Variants in PRKAR1B observed in about 807,000 individuals in gnomAD.
PRKAR1B encodes the protein protein kinase cAMP-dependent type I regulatory subunit beta.
Under a neutral mutation model 46.5 loss-of-function variants are expected in PRKAR1B, and 22 were observed. The ratio of observed to expected loss-of-function variants is 0.47; its 90% CI spans 0.34 to 0.68. The LOEUF (loss-of-function observed/expected upper bound fraction) is 0.68, where lower values mean the gene tolerates loss of function less well. Ranked by LOEUF, PRKAR1B falls within the 30% of genes least tolerant of loss-of-function variation. The pLI is 0.01. For missense variants in PRKAR1B, 445 were observed against 535.6 expected (o/e 0.83, Z 1.67); for synonymous variants, 259 against 217.7 (o/e 1.19, Z -1.67).
intron 4 of PRKAR1B, among the ~76,000 whole-genome samples, chr7:637,164 G>A (rs1417619726): frequency 6.6e-6 from 1 of 152,184 alleles, no homozygotes; most frequent in Non-Finnish European, 1.5e-5. Flanking sequence ...GTGCACACCT[G>A]TAGTCCCGGC....
At chr7:616,266 G>A (rs545045741) in intron 4 of PRKAR1B, among the ~76,000 whole-genome samples, 111 of 152,364 alleles carry the variant, frequency 7.3e-4, no homozygotes, top group Non-Finnish European at 1.3e-3. Context: ...ACTCCGGACA[G>A]ACTCGCAGGG....
At chr7:688,279 C>T (rs1779212060) in intron 2 of PRKAR1B, among the ~76,000 whole-genome samples, 1 of 151,692 alleles carries the variant, frequency 6.6e-6, no homozygotes, top group African/African-American at 2.4e-5. Flanking sequence ...GTGGCATGTG[C>T]CTGTAATCCC....
At chr7:689,814 G>A (rs887884379) in intron 2 of PRKAR1B, among the ~76,000 whole-genome samples, 2 of 151,898 alleles carry the variant, frequency 1.3e-5, no homozygotes, top group African/African-American at 4.8e-5. Flanking sequence ...CGAGTAGCTG[G>A]GACTACAGGC....
chr7:673,107 T>C (rs1397064723), intron 4 of PRKAR1B, among the ~76,000 whole-genome samples: 1 of 133,392 alleles, frequency 7.5e-6, no homozygotes, highest in Non-Finnish European at 1.5e-5. Context: ...ACAGCTGGTC[T>C]GTGTGGCCAG....
intron 9 of PRKAR1B, among the ~76,000 whole-genome samples, chr7:559,685 G>A (rs1018307892): frequency 6.6e-6 from 1 of 152,216 alleles, no homozygotes; most frequent in Non-Finnish European, 1.5e-5. Flanking sequence ...GGAGTCTCGA[G>A]GCTCGCTGTG....
chr7:677,163 C>A (rs1028527093), intron 4 of PRKAR1B, 66 bp downstream of exon 4: 26 of 1,494,748 alleles, frequency 1.7e-5, no homozygotes, highest in East Asian at 4.5e-5. Context: ...AGTGGCGGGA[C>A]CTGCCCACCT....
intron 2 of PRKAR1B, among the ~76,000 whole-genome samples, chr7:692,923 A>G (rs749305955): frequency 1.3e-4 from 20 of 151,366 alleles, no homozygotes; most frequent in Non-Finnish European, 2.7e-4. Flanking sequence ...AGTTTGTTTG[A>G]GCAGGTGAGT....
chr7:710,841 G>A (rs546586569), intron 2 of PRKAR1B, among the ~76,000 whole-genome samples: 11 of 151,906 alleles, frequency 7.2e-5, no homozygotes, highest in African/African-American at 2.4e-4. Context: ...AGGGGGTTTC[G>A]CCATGTTGGC....
chr7:592,952 C>T (rs1781067064), intron 7 of PRKAR1B, among the ~76,000 whole-genome samples: 1 of 152,156 alleles, frequency 6.6e-6, no homozygotes, highest in African/African-American at 2.4e-5. Flanking sequence ...GGGAGGATGG[C>T]TTGAGCCGGG....
intron 2 of PRKAR1B, among the ~76,000 whole-genome samples, chr7:685,327 C>CATATATATATACTATATATAT (rs1562615815): frequency 2.0e-5 from 1 of 50,814 alleles, no homozygotes; most frequent in Non-Finnish European, 3.6e-5. Context: ...CGTATATATA[C>CATATATATATACTATATATAT]GTATATATAC....
In PRKAR1B at chr7:666,385, C is replaced by A. The variant is rs1420735741; in HGVS notation, c.440+10844G>T. ...GGCTGCTTCCTGAGGCTGCTGAGGTCCCTGGCCGAGGCGTAACTGCCCCGG... is the reference window on the plus strand; with the variant it reads ...GGCTGCTTCCTGAGGCTGCTGAGGTACCTGGCCGAGGCGTAACTGCCCCGG... On this transcript the variant is annotated intron_variant, in intron 4 of 10. Transcript: ENST00000537384. The surrounding 1 kb of genome is among the most constrained non-coding windows in gnomAD (Gnocchi z 4.9). Among the ~76,000 whole-genome samples the A allele has an allele frequency of 6.6e-6, 1 of 152,166 alleles. No homozygotes were observed. The highest frequency in any genetic ancestry group is 1.5e-5 in the Non-Finnish European group (1 of 68,024).
At chr7:635,111 T>C (rs1356856415) in intron 4 of PRKAR1B, among the ~76,000 whole-genome samples, 1 of 152,236 alleles carries the variant, frequency 6.6e-6, no homozygotes, top group African/African-American at 2.4e-5. Context: ...CTGTGTGAAC[T>C]ATTTTCAAGG....
At chr7:577,034 G>GCGGCCTCATCCAACTCCATCAA (rs1779883872) in intron 9 of PRKAR1B, among the ~76,000 whole-genome samples, 1 of 138,416 alleles carries the variant, frequency 7.2e-6, no homozygotes, top group Non-Finnish European at 1.6e-5. Flanking sequence ...AACGCCATCA[G>GCGGCCTCATCCAACTCCATCAA]CGGCCCCGTC....
At chr7:582,621 G>C (rs755628059) in intron 8 of PRKAR1B, among the ~76,000 whole-genome samples, 1 of 152,246 alleles carries the variant, frequency 6.6e-6, no homozygotes, top group East Asian at 1.9e-4. Context: ...GACGCAGGAA[G>C]CAAGAAGCCA....
At chr7:652,022 C>T (rs1239560409) in intron 4 of PRKAR1B, among the ~76,000 whole-genome samples, 1 of 92,960 alleles carries the variant, frequency 1.1e-5, no homozygotes, top group East Asian at 3.6e-4. Context: ...AAACCCCTCT[C>T]GGAACACAGT....
At chr7:699,525 G>A (rs1282923490) in intron 2 of PRKAR1B, among the ~76,000 whole-genome samples, 1 of 152,138 alleles carries the variant, frequency 6.6e-6, no homozygotes, top group Admixed American at 6.5e-5. Context: ...AGGAGGGCCA[G>A]AGGACACTAA....
At chr7:592,823 A>C (rs1781059946) in intron 7 of PRKAR1B, among the ~76,000 whole-genome samples, 1 of 152,134 alleles carries the variant, frequency 6.6e-6, no homozygotes. Context: ...ACTTGAGCCC[A>C]GGAGTCCAAG....
In PRKAR1B at chr7:685,261, C is replaced by T. The variant is rs977836965; in HGVS notation, c.178-4535G>A. 9.8e-5 allele frequency among the ~76,000 whole-genome samples: 6 copies of T among 61,436 alleles called. 1 individual carries two copies. The East Asian group carries it at 1.4e-3, about 14-fold the overall frequency. 40.3% of individuals were successfully genotyped at this position (61,436 alleles called of 152,430 possible). A position where few individuals can be genotyped will look rare whatever the true frequency, so the allele number is the denominator to read the frequency against. On this transcript the variant is annotated intron_variant, in intron 2 of 10. Transcript: ENST00000537384. ...ACACATATAACACGTTTTATATATACATATATACGTATATATACGTATATA... is the reference window on the plus strand; with the variant it reads ...ACACATATAACACGTTTTATATATATATATATACGTATATATACGTATATA...
chr7:551,302 C>G, intron 10 of PRKAR1B, 87 bp downstream of exon 10: 1 of 1,309,766 alleles, frequency 7.6e-7, no homozygotes. Flanking sequence ...GGAAGCCCCC[C>G]AGCAGCTCCT....
Sources: gnomAD v4.1 joint callset for allele counts (sites outside exome capture counted in the v4.1 genomes callset) on GRCh38, gnomAD v4.1.1 for gene constraint, Gnocchi (gnomAD v3.1) non-coding constraint, MANE v1.5 for transcripts, NCBI Gene and HGNC (gene_info 2026-07-23, HGNC 2026-07-21) for gene names.